Variants in ANO6 observed in about 807,000 individuals in gnomAD.
ANO6 encodes the protein anoctamin 6.
Under a neutral mutation model 117.5 loss-of-function variants are expected in ANO6, and 106 were observed. The ratio of observed to expected loss-of-function variants is 0.90; its 90% confidence interval spans 0.77 to 1.06. The LOEUF (loss-of-function observed/expected upper bound fraction) is 1.06, where lower values mean the gene tolerates loss of function less well. ANO6 is among the 50% of genes least tolerant of loss of function. The pLI, the probability that ANO6 is intolerant of heterozygous loss-of-function variation, is 0.00. For missense variants in ANO6, 955 were observed against 1,121.1 expected (o/e 0.85, Z 2.12); for synonymous variants, 367 against 385.1 (o/e 0.95, Z 0.55).
chr12:45,382,380 C>A (rs1374904938), intron 10 of ANO6, among the ~76,000 whole-genome samples: 1 of 152,116 alleles, frequency 6.6e-6, no homozygotes, highest in Non-Finnish European at 1.5e-5. Flanking sequence ...CAAAGTGCAA[C>A]AAGATTTTAA....
chr12:45,427,936 C>CAAAA (rs35996135), intron 19 of ANO6, among the ~76,000 whole-genome samples: 3,190 of 62,812 alleles, frequency 0.051, 198 homozygotes, highest in African/African-American at 0.16. Context: ...GACTCTGCCT[C>CAAAA]AAAAAAAAAA....
At chr12:45,240,252 G>C (rs1947717495) in intron 1 of ANO6, among the ~76,000 whole-genome samples, 1 of 148,718 alleles carries the variant, frequency 6.7e-6, no homozygotes, top group African/African-American at 2.5e-5. Context: ...TCTTCTTGTT[G>C]AATTGATCCC....
chr12:45,354,356 A>G (rs550494853), intron 7 of ANO6, among the ~76,000 whole-genome samples: 1 of 152,350 alleles, frequency 6.6e-6, no homozygotes, highest in Admixed American at 6.5e-5. Flanking sequence ...TTGACCATAT[A>G]TATGTAACTC....
intron 19 of ANO6, among the ~76,000 whole-genome samples, chr12:45,423,362 A>G (rs1943415756): frequency 6.6e-6 from 1 of 152,196 alleles, no homozygotes; most frequent in South Asian, 2.1e-4. Context: ...CTTATGCAAG[A>G]TGGGTACGAT....
chr12:45,412,373 C>G (rs999652780), intron 16 of ANO6, among the ~76,000 whole-genome samples: 1 of 152,188 alleles, frequency 6.6e-6, no homozygotes, highest in Non-Finnish European at 1.5e-5. Flanking sequence ...TGCCGTGGTA[C>G]CTTGATCTCA....
chr12:45,238,098 T>G (rs1947675699), intron 1 of ANO6, among the ~76,000 whole-genome samples: 1 of 152,122 alleles, frequency 6.6e-6, no homozygotes, highest in African/African-American at 2.4e-5. Flanking sequence ...TGAAGTTGCT[T>G]ATCAGCTTAA....
chr12:45,370,296 G>A (rs749466194), intron 9 of ANO6, among the ~76,000 whole-genome samples: 6 of 152,180 alleles, frequency 3.9e-5, no homozygotes, highest in East Asian at 1.9e-4. Flanking sequence ...GCAAGAATAC[G>A]AACTTCATCC....
chr12:45,345,609 C>T (rs533824476), intron 3 of ANO6, among the ~76,000 whole-genome samples: 35 of 152,328 alleles, frequency 2.3e-4, no homozygotes, highest in Non-Finnish European at 4.7e-4. Flanking sequence ...GAAAATTCTA[C>T]TTCATGTGCT....
intron 16 of ANO6, among the ~76,000 whole-genome samples, chr12:45,413,459 C>T (rs931085914): frequency 1.3e-5 from 2 of 152,196 alleles, no homozygotes; most frequent in Admixed American, 1.3e-4. Flanking sequence ...ATCTGAAAGG[C>T]AATGTCCATT....
At chr12:45,388,490 G>A (rs1942360141) in intron 11 of ANO6, among the ~76,000 whole-genome samples, 187 bp downstream of exon 11, 1 of 152,048 alleles carries the variant, frequency 6.6e-6, no homozygotes, top group Non-Finnish European at 1.5e-5. Flanking sequence ...AGCTCCTTTG[G>A]TAATTCTGAT....
intron 1 of ANO6, among the ~76,000 whole-genome samples, chr12:45,269,650 TCTAA>T (rs1481074320): frequency 1.3e-5 from 2 of 152,324 alleles, no homozygotes; most frequent in South Asian, 2.1e-4. Context: ...CAAATCAATT[TCTAA>T]CTAAGTATTG....
intron 1 of ANO6, among the ~76,000 whole-genome samples, chr12:45,272,673 A>G (rs1344346781): frequency 6.6e-6 from 1 of 152,218 alleles, no homozygotes; most frequent in Non-Finnish European, 1.5e-5. Context: ...TGGCAGTGGT[A>G]TGGAAAAAAG....
At chr12:45,255,443 C>T (rs1937776323) in intron 1 of ANO6, among the ~76,000 whole-genome samples, 1 of 152,084 alleles carries the variant, frequency 6.6e-6, no homozygotes, top group South Asian at 2.1e-4. Context: ...GCAGAGGTGG[C>T]AGCTGAGATT....
chr12:45,400,256 T>C (rs1031510294), intron 12 of ANO6, among the ~76,000 whole-genome samples: 4 of 152,250 alleles, frequency 2.6e-5, no homozygotes, highest in African/African-American at 9.6e-5. Context: ...AAGAATGTTA[T>C]CTTTATCATT....
chr12:45,394,367 A>T (rs900826221), intron 12 of ANO6, among the ~76,000 whole-genome samples: 9 of 152,350 alleles, frequency 5.9e-5, no homozygotes, highest in Middle Eastern at 3.4e-3. Context: ...AGAGACCTGC[A>T]AAGAGACTTA....
intron 11 of ANO6, among the ~76,000 whole-genome samples, chr12:45,389,176 G>T (rs1942376687): frequency 6.6e-6 from 1 of 152,170 alleles, no homozygotes; most frequent in Non-Finnish European, 1.5e-5. Flanking sequence ...GCACTAAAAG[G>T]AACCAGAGGG....
intron 3 of ANO6, among the ~76,000 whole-genome samples, chr12:45,333,766 C>T (rs1408011911): frequency 1.3e-5 from 2 of 151,944 alleles, no homozygotes; most frequent in East Asian, 3.9e-4. Context: ...TGTTTTTCTT[C>T]ATTGGAAAAA....
At chr12:45,343,895 A>G in intron 3 of ANO6, among the ~76,000 whole-genome samples, 1 of 119,044 alleles carries the variant, frequency 8.4e-6, no homozygotes, top group East Asian at 4.1e-4. Context: ...CCCAGAATGT[A>G]TTCTGCTTGG....
chr12:45,350,233 A>T (rs1941244650), intron 6 of ANO6, among the ~76,000 whole-genome samples: 1 of 152,206 alleles, frequency 6.6e-6, no homozygotes, highest in Non-Finnish European at 1.5e-5. Flanking sequence ...CCTAGGTTTT[A>T]GAATTGACCC....
Sources: gnomAD v4.1 joint callset for allele counts (sites outside exome capture counted in the v4.1 genomes callset) on GRCh38, gnomAD v4.1.1 for gene constraint, MANE v1.5 for transcripts, NCBI Gene and HGNC (gene_info 2026-07-23, HGNC 2026-07-21) for gene names.